ERBB4: variants seen among roughly 807,000 people sequenced by gnomAD.
ERBB4 encodes receptor tyrosine-protein kinase erbB-4.
Under a neutral mutation model 158.0 loss-of-function variants are expected in ERBB4, and 42 were observed. That is an observed-to-expected ratio of 0.27 (90% confidence interval 0.21 to 0.34). ERBB4 has a LOEUF of 0.34. Ranked by LOEUF, ERBB4 falls within the 10% of genes least tolerant of loss-of-function variation. The pLI is 1.00. For missense variants in ERBB4, 1,333 were observed against 1,624.1 expected (o/e 0.82, Z 3.08); for synonymous variants, 583 against 558.7 (o/e 1.04, Z -0.61).
At chr2:211,853,969 AT>A (rs1417769158) in intron 3 of ERBB4, among the ~76,000 whole-genome samples, 2 of 152,102 alleles carry the variant, frequency 1.3e-5, no homozygotes, top group African/African-American at 4.8e-5. Context: ...ATATTTTCTC[AT>A]TCTTAACAAT....
Position 212,483,946 on chromosome 2 carries a change from C to A in ERBB4, c.82+54503G>T, listed in dbSNP as rs554561556. 2.0e-5 allele frequency among the ~76,000 whole-genome samples: 3 copies of A among 152,186 alleles called. No homozygotes were observed. The South Asian group carries it at 6.2e-4, about 32-fold the overall frequency. Reference sequence around the variant, plus strand: ...AGAGACGGAGTTTCACCGTGTTAGCCAGCATGGTCTCCATCTCCTGACCTC... The same window carrying A: ...AGAGACGGAGTTTCACCGTGTTAGCAAGCATGGTCTCCATCTCCTGACCTC... On this transcript the variant is annotated intron_variant, in intron 1 of 27. Coordinates refer to ENST00000342788, the MANE Select transcript of ERBB4 (RefSeq NM_005235.3).
chr2:211,711,182 G>T (rs1368632700), intron 9 of ERBB4, among the ~76,000 whole-genome samples: 3 of 152,034 alleles, frequency 2.0e-5, no homozygotes, highest in African/African-American at 7.2e-5. Context: ...TGATTTGAAT[G>T]AAAAGAAACA....
At chr2:212,191,767 A>G (rs867286602) in intron 1 of ERBB4, among the ~76,000 whole-genome samples, 1 of 102,680 alleles carries the variant, frequency 9.7e-6, no homozygotes, top group Admixed American at 1.1e-4. Flanking sequence ...TATACATGTT[A>G]TATATAACAC....
rs144319126 is a variant in ERBB4 at position 211,618,070 on chromosome 2, C to A, written c.2301+1107G>T. On this transcript the variant is annotated intron_variant, in intron 19 of 27. Coordinates refer to ENST00000342788, the MANE Select transcript of ERBB4 (RefSeq NM_005235.3). ...AAGTTCTGATTGACCTTAAAAAGTA[C>A]TTTTTTACTCATAGTTGGAGTTTTT... Among the ~76,000 whole-genome samples, 581 of 151,946 alleles carry A rather than the reference C, an allele frequency of 3.8e-3. 6 individuals carry two copies. The highest frequency in any genetic ancestry group is 0.013 in the African/African-American group (546 of 41,504).
chr2:211,589,543 G>C (rs558908178), intron 19 of ERBB4, among the ~76,000 whole-genome samples: 48 of 152,180 alleles, frequency 3.2e-4, no homozygotes, highest in African/African-American at 1.0e-3. Context: ...TTCATTTTCC[G>C]TAACATCCAC....
chr2:211,885,944 A>G (rs2078788519), intron 3 of ERBB4, among the ~76,000 whole-genome samples: 1 of 152,216 alleles, frequency 6.6e-6, no homozygotes, highest in Non-Finnish European at 1.5e-5. Context: ...ATGCTAGTTG[A>G]AAGAATCTAA....
At chr2:211,478,926 T>G (rs2125543120) in intron 20 of ERBB4, among the ~76,000 whole-genome samples, 1 of 152,286 alleles carries the variant, frequency 6.6e-6, no homozygotes, top group East Asian at 1.9e-4. Context: ...GGCTTCTTCA[T>G]GCTTTCCCAA....
At chr2:211,626,975 GT>G (rs2069883497) in intron 17 of ERBB4, among the ~76,000 whole-genome samples, 1 of 151,650 alleles carries the variant, frequency 6.6e-6, no homozygotes, top group Non-Finnish European at 1.5e-5. Flanking sequence ...AAAAGTGTGT[GT>G]TTATTTAGTA....
intron 14 of ERBB4, among the ~76,000 whole-genome samples, chr2:211,668,443 CGAG>C (rs1182727252): frequency 6.6e-6 from 1 of 152,022 alleles, no homozygotes; most frequent in Non-Finnish European, 1.5e-5. Context: ...CTTTAAGAAC[CGAG>C]GCACAATAAA....
chr2:211,397,424 AT>A (rs1159719097), intron 25 of ERBB4, among the ~76,000 whole-genome samples: 5 of 152,228 alleles, frequency 3.3e-5, no homozygotes, highest in African/African-American at 4.8e-5. Flanking sequence ...TACTAAAAAA[AT>A]GAAGCAAAAA....
Position 211,884,809 on chromosome 2 carries a change from A to G in ERBB4, c.421+62621T>C, listed in dbSNP as rs1055100448. Among the ~76,000 whole-genome samples, 9 of 152,312 alleles carry G rather than the reference A, an allele frequency of 5.9e-5. No homozygotes were observed. The East Asian group carries it at 1.7e-3, about 29-fold the overall frequency. On this transcript the variant is annotated intron_variant, in intron 3 of 27. Coordinates refer to ENST00000342788, the MANE Select transcript of ERBB4 (RefSeq NM_005235.3). The stretch of plus-strand genomic sequence containing the variant: ...GGAATTTTCCAATTGGGTTAAGTTG[A>G]AAAAATTAACCATAACATTGTATTT...
In ERBB4 at chr2:211,772,588, G is replaced by GCC. The variant is rs371373950; in HGVS notation, c.556+15435_556+15436dup. Among the ~76,000 whole-genome samples the GCC allele has an allele frequency of 4.5e-3, 686 of 151,262 alleles. 1 individual carries two copies. The highest frequency in any genetic ancestry group is 0.016 in the African/African-American group (654 of 41,210). On this transcript the variant is annotated intron_variant, in intron 4 of 27. Coordinates refer to ENST00000342788, the MANE Select transcript of ERBB4 (RefSeq NM_005235.3). The stretch of plus-strand genomic sequence containing the variant: ...ACAGGGACATGGAAGTTAATTTTGG[G>GCC]CCTCTCTCTCTCCAAATAACCATTC...
intron 1 of ERBB4, among the ~76,000 whole-genome samples, chr2:212,307,162 C>G (rs986108540): frequency 4.0e-5 from 6 of 151,164 alleles, no homozygotes; most frequent in Non-Finnish European, 8.9e-5. Flanking sequence ...TTTAGTCTCT[C>G]AAAGCCTCAG....
At chr2:211,628,325 C>T (rs1304501847) in intron 17 of ERBB4, among the ~76,000 whole-genome samples, 1 of 152,164 alleles carries the variant, frequency 6.6e-6, no homozygotes, top group Admixed American at 6.5e-5. Flanking sequence ...CCACTTGCCT[C>T]ACCCCACAAC....
At chr2:211,608,921 T>A (rs996217866) in intron 19 of ERBB4, among the ~76,000 whole-genome samples, 2 of 152,154 alleles carry the variant, frequency 1.3e-5, no homozygotes, top group Admixed American at 6.6e-5. Context: ...CCCCTCAATG[T>A]GGAATCACTT....
At chr2:212,422,981 T>C (rs561063361) in intron 1 of ERBB4, among the ~76,000 whole-genome samples, 1 of 152,334 alleles carries the variant, frequency 6.6e-6, no homozygotes, top group South Asian at 2.1e-4. Context: ...ACAATAGCTT[T>C]AAAGAATTTT....
intron 1 of ERBB4, among the ~76,000 whole-genome samples, chr2:212,353,596 T>C (rs1201898094): frequency 6.6e-6 from 1 of 151,944 alleles, no homozygotes; most frequent in African/African-American, 2.4e-5. Flanking sequence ...ACTTTAAAAA[T>C]CTATGTGATG....
chr2:212,138,149 T>A (rs1047209065), intron 1 of ERBB4, among the ~76,000 whole-genome samples: 6 of 152,172 alleles, frequency 3.9e-5, no homozygotes, highest in Non-Finnish European at 1.5e-5. Flanking sequence ...TTTGATTCAC[T>A]GCTACTGAAT....
At chr2:212,351,179 A>G (rs1056988293) in intron 1 of ERBB4, among the ~76,000 whole-genome samples, 1 of 152,138 alleles carries the variant, frequency 6.6e-6, no homozygotes, top group African/African-American at 2.4e-5. Context: ...AGGTGTCCTT[A>G]TAAGGAGAAG....
Sources: gnomAD v4.1 joint callset for allele counts (sites outside exome capture counted in the v4.1 genomes callset) on GRCh38, gnomAD v4.1.1 for gene constraint, MANE v1.5 for transcripts, NCBI Gene and HGNC (gene_info 2026-07-23, HGNC 2026-07-21) for gene names.